OSBP: variants seen among roughly 807,000 people sequenced by gnomAD.
OSBP encodes the protein oxysterol binding protein, also known as oxysterol-binding protein 1.
OSBP carries 32 observed loss-of-function variants against 96.6 expected under a neutral mutation model. That is an observed-to-expected ratio of 0.33 (90% CI 0.25 to 0.45). The LOEUF (loss-of-function observed/expected upper bound fraction) is 0.45, where lower values mean the gene tolerates loss of function less well. OSBP is among the 20% of genes least tolerant of loss of function. The probability of loss-of-function intolerance (pLI) is 1.00; values close to 1 mark genes in which losing one functional copy is unlikely to be tolerated. For missense variants in OSBP, 653 were observed against 1,029.7 expected, an observed-to-expected ratio of 0.63 and a Z score of 5.01; for synonymous variants, 369 against 389.6, an observed-to-expected ratio of 0.95 and a Z score of 0.62.
chr11:59,603,539 T>G (rs909773251), intron 3 of OSBP, among the ~76,000 whole-genome samples: 1 of 147,900 alleles, frequency 6.8e-6, no homozygotes, highest in Admixed American at 6.7e-5. Context: ...GTTTTTTTTT[T>G]TTTTTTTTTT....
In OSBP at chr11:59,600,830, G is replaced by A. The variant is rs752257399; in HGVS notation, c.1168C>T (p.Leu390Phe). 33 of 1,613,408 alleles carry A rather than the reference G, an allele frequency of 2.0e-5. 1 individual carries two copies. The South Asian group carries it at 3.5e-4, about 17-fold the overall frequency. ...CATATAAGAATTACCTGTTCATCAA[G>A]GCTGATGTCACTGCTGGCTCCACTG... ...NISGASSDIS[L>F]DEQYKHQLEE... The change falls in exon 6 of 14, where the codon CTT (leucine) becomes TTT (phenylalanine). Residue 390 changes from leucine to phenylalanine, a missense_variant. By Grantham distance (22) the Leu-to-Phe change is conservative. Transcript: ENST00000263847.
At chr11:59,602,556 C>T (rs1860736486) in intron 3 of OSBP, among the ~76,000 whole-genome samples, 1 of 152,194 alleles carries the variant, frequency 6.6e-6, no homozygotes, top group African/African-American at 2.4e-5. Flanking sequence ...CATAATACGG[C>T]CATCACCTGC....
chr11:59,615,744 A>G lies in OSBP; in HGVS notation c.-80T>C. 8.1e-7 allele frequency: 1 copy of G among 1,226,996 alleles called. No individual in the cohort carries two copies. The highest frequency in any genetic ancestry group is 1.0e-6 in the Non-Finnish European group (1 of 982,126). 76.0% of individuals were successfully genotyped at this position (1,226,996 alleles called of 1,614,324 possible). A position where few individuals can be genotyped will look rare whatever the true frequency, so the allele number is the denominator to read the frequency against. ...GCCGCCCGGAGCGCCCCACACGGCT[A>G]CCGCATCAGCCACCGCCGCGCAGCG... is the stretch of plus-strand genomic sequence containing the variant. On this transcript the variant is annotated 5_prime_UTR_variant, in exon 1 of 14. An upstream open reading frame in the 5' UTR loses its in-frame stop. Transcript: ENST00000263847.
intron 2 of OSBP, 149 bp downstream of exon 2, chr11:59,610,232 C>G: frequency 1.4e-6 from 1 of 701,228 alleles, no homozygotes; most frequent in East Asian, 2.6e-5. Flanking sequence ...AACCATCACT[C>G]CAGCAGAAAT....
Position 59,576,228 on chromosome 11 carries a change from G to T in OSBP, c.*349C>A, listed in dbSNP as rs1860359706. ...TCTTAGGCAGATCTTGGCTGAGCAG[G>T]ATACTACAAGGGGAGGGTGAGTGAC... On this transcript the variant is annotated 3_prime_UTR_variant, in exon 14 of 14. Transcript: ENST00000263847. 9.8e-6 allele frequency: 2 copies of T among 204,636 alleles called. No individual in the cohort carries two copies. The highest frequency in any genetic ancestry group is 1.3e-4 in the South Asian group (1 of 7,722). The allele number at this position is 204,636 out of a possible 1,614,324, so 12.7% of individuals were successfully genotyped here.
In OSBP at chr11:59,581,553, A is replaced by G. The variant is rs1423657555; in HGVS notation, c.1680T>C (p.Gly560=). ...TTGCATGGAAAATACAATGAATGGT[A>G]CCTGGAAGCAGAAAGAGGTATCCAA... The part of the protein sequence containing the change: ...RGKYLSIMPL[G]TIHCIFHATG... The change falls in exon 10 of 14, where the codon GGT becomes GGC. Residue 560 remains glycine, a splice_region_variant and synonymous_variant. Coordinates refer to ENST00000263847, the MANE Select transcript of OSBP (RefSeq NM_002556.3). 1 of 1,595,426 alleles carries G rather than the reference A, an allele frequency of 6.3e-7. No homozygotes were observed. The highest frequency in any genetic ancestry group is 8.6e-7 in the Non-Finnish European group (1 of 1,163,426).
In OSBP at chr11:59,576,463, C is replaced by G; in HGVS notation, c.*114G>C. Reference sequence around the variant, plus strand: ...GATTGATTTGGAAAAAATGATTGGTCAAGAGAGACAAACTTGAGGAAAGCA... The same window carrying G: ...GATTGATTTGGAAAAAATGATTGGTGAAGAGAGACAAACTTGAGGAAAGCA... On this transcript the variant is annotated 3_prime_UTR_variant, in exon 14 of 14. Transcript: ENST00000263847. The G allele has an allele frequency of 8.3e-7, 1 of 1,206,860 alleles. No individual in the cohort carries two copies. Among genetic ancestry groups the G allele is most frequent in the Non-Finnish European group, 1.2e-6 (1 of 859,460 alleles). 74.8% of individuals were successfully genotyped at this position (1,206,860 alleles called of 1,614,324 possible).
At position 59,594,043 on chromosome 11, in the gene OSBP, T is replaced by G; in HGVS notation, c.1524A>C (p.Leu508Phe). ...LLGETFELDR[L>F]EENGYRSLCE... Reference sequence around the variant, plus strand: ...AGAGGGATCGGTACCCATTCTCCTCTAATCGGTCCAGCTCAAAGGTCTCCC... The same window carrying G: ...AGAGGGATCGGTACCCATTCTCCTCGAATCGGTCCAGCTCAAAGGTCTCCC... Residue 508 changes from leucine to phenylalanine, a missense_variant, in exon 8 of 14, where the codon TTA becomes TTC. This residue lies in a region of OSBP where 308 missense variants were observed against 573.1 expected (regional missense o/e 0.54). Coordinates refer to ENST00000263847, the MANE Select transcript of OSBP (RefSeq NM_002556.3). The G allele has an allele frequency of 6.2e-7, 1 of 1,614,132 alleles. No individual in the cohort carries two copies. The highest frequency in any genetic ancestry group is 8.5e-7 in the Non-Finnish European group (1 of 1,180,000).
intron 3 of OSBP, among the ~76,000 whole-genome samples, chr11:59,607,503 G>A (rs1001910216): frequency 6.6e-6 from 1 of 151,936 alleles, no homozygotes; most frequent in South Asian, 2.1e-4. Flanking sequence ...GGTTAAATGA[G>A]AAAAACGATA....
intron 9 of OSBP, among the ~76,000 whole-genome samples, chr11:59,586,476 T>A (rs1860501538): frequency 6.6e-6 from 1 of 152,218 alleles, no homozygotes; most frequent in East Asian, 1.9e-4. Context: ...AGGTTGTCAA[T>A]GCCACCCAAA....
intron 4 of OSBP, 84 bp from the exon 5 acceptor site, chr11:59,601,469 C>G (rs777136824): frequency 8.3e-6 from 10 of 1,199,808 alleles, no homozygotes; most frequent in Non-Finnish European, 1.2e-5. Context: ...ATACTAACCA[C>G]AAACACAGCA....
chr11:59,587,318 T>C (rs1201831944), intron 9 of OSBP, among the ~76,000 whole-genome samples: 2 of 151,980 alleles, frequency 1.3e-5, no homozygotes, highest in East Asian at 1.9e-4. Flanking sequence ...CTGACCAACA[T>C]GGTGAAACTA....
intron 3 of OSBP, among the ~76,000 whole-genome samples, chr11:59,607,998 C>T (rs1860803635): frequency 6.6e-6 from 1 of 152,176 alleles, no homozygotes; most frequent in South Asian, 2.1e-4. Context: ...CCACTTACCA[C>T]CCTTTATGCC....
Position 59,606,642 on chromosome 11 carries a change from C to T in OSBP, c.822+1842G>A, listed in dbSNP as rs182056690. On this transcript the variant is annotated intron_variant, in intron 3 of 13. Coordinates refer to ENST00000263847, the MANE Select transcript of OSBP (RefSeq NM_002556.3). ...CAAACCTCAGCATCACGCAATATAC[C>T]TATGTAACAAACCTGCACACGTGCC... Among the ~76,000 whole-genome samples, 6 of 152,224 alleles carry T rather than the reference C, an allele frequency of 3.9e-5. 1 individual carries two copies. In the East Asian group the frequency reaches 9.6e-4, roughly 24 times the overall value.
At chr11:59,587,459 G>A (rs573335741) in intron 9 of OSBP, among the ~76,000 whole-genome samples, 10 of 150,870 alleles carry the variant, frequency 6.6e-5, no homozygotes, top group South Asian at 2.1e-4. Flanking sequence ...CCAAGACTGC[G>A]CCACTGCACT....
rs113798242 is a variant in OSBP at position 59,578,256 on chromosome 11, T to C, written c.1953A>G (p.Glu651=). 2.5e-6 allele frequency: 4 copies of C among 1,614,212 alleles called. No individual in the cohort carries two copies. Among genetic ancestry groups the C allele is most frequent in the Non-Finnish European group, 2.5e-6 (3 of 1,180,028 alleles). ...ALLGTWDEKM[E]CFKVQPVIGE... Reference sequence around the variant, plus strand: ...CAATGACTGGCTGTACTTTGAAACATTCCATTTTCTCATCCCACGTCCCCA... The same window carrying C: ...CAATGACTGGCTGTACTTTGAAACACTCCATTTTCTCATCCCACGTCCCCA... Residue 651 remains glutamate (E), a synonymous_variant, in exon 12 of 14, where the codon GAA becomes GAG. Transcript: ENST00000263847.
At chr11:59,591,896 C>CAAA (rs1565116843) in intron 9 of OSBP, among the ~76,000 whole-genome samples, 1 of 152,180 alleles carries the variant, frequency 6.6e-6, no homozygotes, top group Non-Finnish European at 1.5e-5. Flanking sequence ...GCTGGGATTA[C>CAAA]AGGCATGAGC....
Position 59,612,122 on chromosome 11 carries a change from C to T in OSBP, c.363-1533G>A, listed in dbSNP as rs186091376. Among the ~76,000 whole-genome samples, 30 of 152,342 alleles carry T rather than the reference C, an allele frequency of 2.0e-4. No individual in the cohort carries two copies. The East Asian group carries it at 5.8e-3, about 29-fold the overall frequency. On this transcript the variant is annotated intron_variant, in intron 1 of 13. Transcript: ENST00000263847. Reference sequence around the variant, plus strand: ...ATTCCTGCATGCCAGAAATGGCACACACCCCATAAGATTTGGTATGTTTGA... The same window carrying T: ...ATTCCTGCATGCCAGAAATGGCACATACCCCATAAGATTTGGTATGTTTGA...
chr11:59,593,516 C>T, intron 9 of OSBP, 88 bp downstream of exon 9: 2 of 1,466,046 alleles, frequency 1.4e-6, no homozygotes, highest in South Asian at 1.2e-5. Context: ...CCTCCTGTCT[C>T]CTGACTCTTT....
Sources: gnomAD v4.1 joint callset for allele counts (sites outside exome capture counted in the v4.1 genomes callset) on GRCh38, gnomAD v4.1.1 for gene constraint, gnomAD v4.1.1 regional missense constraint, MANE v1.5 for transcripts, NCBI Gene and HGNC (gene_info 2026-07-23, HGNC 2026-07-21) for gene names.